RBFOX1: variants seen among roughly 807,000 people sequenced by gnomAD.
RBFOX1 encodes RNA binding fox-1 homolog 1, also known as RNA binding protein fox-1 homolog 1.
A neutral mutation model predicts 57.7 loss-of-function variants in RBFOX1; 8 were observed. That is an observed-to-expected ratio of 0.14 (90% CI 0.08 to 0.25). The LOEUF (loss-of-function observed/expected upper bound fraction) is 0.25, where lower values mean the gene tolerates loss of function less well. Among genes scored for constraint, RBFOX1 ranks in the 10% least tolerant of loss-of-function variants. The pLI is 1.00. For missense variants in RBFOX1, 611 were observed against 548.5 expected, an observed-to-expected ratio of 1.11 and a Z score of -1.14; for synonymous variants, 326 against 222.4, an observed-to-expected ratio of 1.47 and a Z score of -4.15.
At chr16:7,371,547 C>T (rs866094194) in intron 4 of RBFOX1, among the ~76,000 whole-genome samples, 8 of 152,050 alleles carry the variant, frequency 5.3e-5, no homozygotes, top group East Asian at 3.9e-4. Flanking sequence ...GTCAGGAGAT[C>T]GAGACCAGCC....
chr16:6,483,542 C>T, intron 2 of RBFOX1: 2 of 1,535,564 alleles, frequency 1.3e-6, no homozygotes, highest in Non-Finnish European at 8.7e-7. Context: ...AGATGCCCTT[C>T]AGGTACGGCG....
At chr16:5,441,520 A>G (rs1421779075) in intron 1 of RBFOX1, among the ~76,000 whole-genome samples, 2 of 152,070 alleles carry the variant, frequency 1.3e-5, no homozygotes, top group Admixed American at 6.5e-5. Context: ...ATGTGCCACC[A>G]TGCCTGGCTA....
At chr16:5,287,529 A>G (rs1219470105) in intron 1 of RBFOX1, among the ~76,000 whole-genome samples, 2 of 152,218 alleles carry the variant, frequency 1.3e-5, no homozygotes, top group African/African-American at 2.4e-5. Flanking sequence ...GCTGCATAAC[A>G]AGTCACTCCA....
chr16:5,359,849 C>G (rs1015704457), intron 1 of RBFOX1, among the ~76,000 whole-genome samples: 1 of 152,182 alleles, frequency 6.6e-6, no homozygotes, highest in African/African-American at 2.4e-5. Context: ...CTCTGGTCCT[C>G]CGCTTTCTCA....
At chr16:5,697,912 C>T (rs2151475415) in intron 3 of RBFOX1, among the ~76,000 whole-genome samples, 1 of 152,258 alleles carries the variant, frequency 6.6e-6, no homozygotes, top group Non-Finnish European at 1.5e-5. Context: ...AGAAAGTTCC[C>T]TACTGTACCA....
intron 3 of RBFOX1, among the ~76,000 whole-genome samples, chr16:6,756,564 C>T (rs2075817610): frequency 6.6e-6 from 1 of 152,166 alleles, no homozygotes; most frequent in African/African-American, 2.4e-5. Context: ...GCAAGCTATT[C>T]AGTCAACTCA....
At chr16:5,491,397 G>C (rs2042824046) in intron 2 of RBFOX1, among the ~76,000 whole-genome samples, 1 of 152,150 alleles carries the variant, frequency 6.6e-6, no homozygotes, top group African/African-American at 2.4e-5. Context: ...ACAGTAGTGT[G>C]TATTCTTTTC....
intron 2 of RBFOX1, among the ~76,000 whole-genome samples, chr16:5,591,954 A>G (rs7185397): frequency 0.23 from 34,259 of 152,220 alleles, 4,590 homozygotes; most frequent in African/African-American, 0.37. Context: ...TTCACTGTGT[A>G]TAAAGAATAC....
chr16:6,683,955 AC>A (rs2059052818), intron 3 of RBFOX1, among the ~76,000 whole-genome samples: 1 of 152,180 alleles, frequency 6.6e-6, no homozygotes, highest in Non-Finnish European at 1.5e-5. Flanking sequence ...GCCTGCTAAT[AC>A]CTCTTCCCTT....
intron 4 of RBFOX1, among the ~76,000 whole-genome samples, chr16:7,486,927 T>C: frequency 6.6e-6 from 1 of 152,154 alleles, no homozygotes; most frequent in East Asian, 1.9e-4. Context: ...TGAAATGGAG[T>C]CTTGCTCTGT....
chr16:5,758,423 G>A (rs1030987372), intron 3 of RBFOX1, among the ~76,000 whole-genome samples: 1 of 152,168 alleles, frequency 6.6e-6, no homozygotes, highest in Non-Finnish European at 1.5e-5. Flanking sequence ...TCTTAGACTG[G>A]GGGAGAAAGA....
At chr16:6,681,203 T>G (rs1452777573) in intron 3 of RBFOX1, among the ~76,000 whole-genome samples, 1 of 151,996 alleles carries the variant, frequency 6.6e-6, no homozygotes, top group East Asian at 1.9e-4. Flanking sequence ...TCCCAGTTAC[T>G]TGGGAGGTTG....
At chr16:7,180,543 A>G (rs1031840066) in intron 4 of RBFOX1, among the ~76,000 whole-genome samples, 2 of 152,120 alleles carry the variant, frequency 1.3e-5, no homozygotes, top group Non-Finnish European at 2.9e-5. Context: ...GTAGTGCTTT[A>G]TGGGCTGATA....
chr16:5,344,924 C>G (rs1166625829), intron 1 of RBFOX1, among the ~76,000 whole-genome samples: 1 of 152,202 alleles, frequency 6.6e-6, no homozygotes, highest in Non-Finnish European at 1.5e-5. Flanking sequence ...TCTATGTACA[C>G]CAGACATCCA....
chr16:7,136,619 G>T (rs979699342), intron 4 of RBFOX1, among the ~76,000 whole-genome samples: 6 of 151,984 alleles, frequency 3.9e-5, no homozygotes, highest in Non-Finnish European at 7.4e-5. Context: ...GTCTCATAAT[G>T]TTGCCCAGGC....
chr16:6,969,053 C>G (rs1052783631), intron 3 of RBFOX1, among the ~76,000 whole-genome samples: 4 of 152,050 alleles, frequency 2.6e-5, no homozygotes, highest in African/African-American at 9.7e-5. Flanking sequence ...AATACAGTTC[C>G]CATCCGAGAG....
rs185006210 is a variant in RBFOX1 at position 7,430,954 on chromosome 16, C to G, written c.28-87193C>G. ...TGTTTGTTTGCTAGTTTCTTAGACTCAGAAAAATAGAAGCACGTGTACTTG... is the reference window on the plus strand; with the variant it reads ...TGTTTGTTTGCTAGTTTCTTAGACTGAGAAAAATAGAAGCACGTGTACTTG... On this transcript the variant is annotated intron_variant, in intron 4 of 15. Coordinates refer to ENST00000550418, the MANE Select transcript of RBFOX1 (RefSeq NM_018723.4). Among the ~76,000 whole-genome samples the G allele has an allele frequency of 1.4e-4, 22 of 152,286 alleles. No homozygotes were observed. In the East Asian group the frequency reaches 4.1e-3, roughly 28 times the overall value.
chr16:7,499,891 AAAAG>A (rs1367193225), intron 4 of RBFOX1, among the ~76,000 whole-genome samples: 1 of 152,050 alleles, frequency 6.6e-6, no homozygotes, highest in Non-Finnish European at 1.5e-5. Flanking sequence ...ATCTGCAAAA[AAAAG>A]AAAAAAAAAA....
At chr16:6,106,390 C>T (rs2096379104) in intron 1 of RBFOX1, among the ~76,000 whole-genome samples, 2 of 143,206 alleles carry the variant, frequency 1.4e-5, no homozygotes, top group South Asian at 2.3e-4. Flanking sequence ...TGCTTGACCC[C>T]TGGAGTGGGA....
Sources: allele counts gnomAD v4.1 joint callset (sites outside exome capture counted in the v4.1 genomes callset), GRCh38; gene constraint gnomAD v4.1.1; transcripts MANE v1.5; gene names NCBI Gene and HGNC (gene_info 2026-07-23, HGNC 2026-07-21).